Variants in RP1 observed in about 807,000 individuals in gnomAD.
The protein encoded by RP1 is oxygen-regulated protein 1.
Under a neutral mutation model 14.8 loss-of-function variants are expected in RP1, and 16 were observed. The ratio of observed to expected loss-of-function variants is 1.08; its 90% CI spans 0.73 to 1.65. The LOEUF is 1.65. RP1 is among the 40% of genes most tolerant of loss of function. The pLI is 0.00. For missense variants in RP1, 2,631 were observed against 2,535.0 expected, an observed-to-expected ratio of 1.04 and a Z score of -0.81; for synonymous variants, 876 against 883.6, an observed-to-expected ratio of 0.99 and a Z score of 0.15.
intron 24 of RP1, among the ~76,000 whole-genome samples, chr8:54,786,737 G>T (rs1264171830): frequency 3.3e-5 from 5 of 151,994 alleles, no homozygotes; most frequent in Non-Finnish European, 7.4e-5. Context: ...GTCCTGCTCT[G>T]CTCTTATTAT....
At chr8:54,600,973 T>C (rs1446953687) in intron 1 of RP1, among the ~76,000 whole-genome samples, 1 of 152,166 alleles carries the variant, frequency 6.6e-6, no homozygotes, top group Admixed American at 6.5e-5. Flanking sequence ...TGTCTTTCAG[T>C]GTATTTGCTT....
intron 12 of RP1, among the ~76,000 whole-genome samples, chr8:54,694,483 G>C (rs1807806512): frequency 1.3e-5 from 2 of 152,084 alleles, no homozygotes; most frequent in African/African-American, 2.4e-5. Context: ...ATTGATTATT[G>C]CCACAATTTC....
chr8:54,640,302 T>C (rs567390080), intron 3 of RP1, among the ~76,000 whole-genome samples: 1 of 152,334 alleles, frequency 6.6e-6, no homozygotes, highest in Admixed American at 6.5e-5. Flanking sequence ...TTCTGCATTC[T>C]CTATTCTATT....
intron 1 of RP1, among the ~76,000 whole-genome samples, chr8:54,592,507 T>A (rs972920787): frequency 6.6e-6 from 1 of 152,258 alleles, no homozygotes; most frequent in African/African-American, 2.4e-5. Context: ...CCTGGAATCT[T>A]AAGTTTGAAA....
rs1268327909 is a variant in RP1 at position 54,621,047 on chromosome 8, G to T, written c.81G>T (p.Leu27Phe). 1 of 1,613,958 alleles carries T rather than the reference G, an allele frequency of 6.2e-7. No individual in the cohort carries two copies. Among genetic ancestry groups the T allele is most frequent in the African/African-American group, 1.3e-5 (1 of 74,886 alleles). The change falls in exon 2 of 4, where the codon TTG becomes TTT. Residue 27 changes from leucine to phenylalanine, a missense_variant. Transcript: ENST00000220676. ...GTCAAGTTCCACCCCCTCGCCATTTGAGCCTCACTCATCCTGTTGTGGCCA... is the reference window on the plus strand; with the variant it reads ...GTCAAGTTCCACCCCCTCGCCATTTTAGCCTCACTCATCCTGTTGTGGCCA... ...SEGQVPPPRH[L>F]SLTHPVVAKR... is the part of the protein sequence containing the mutation.
At chr8:54,623,383 A>G (rs1305860926) in intron 3 of RP1, among the ~76,000 whole-genome samples, 1 of 152,214 alleles carries the variant, frequency 6.6e-6, no homozygotes, top group East Asian at 1.9e-4. Flanking sequence ...AAAATAAGAA[A>G]AAATATTTCT....
intron 8 of RP1, among the ~76,000 whole-genome samples, chr8:54,677,613 G>A (rs562382641): frequency 6.6e-6 from 1 of 152,224 alleles, no homozygotes; most frequent in African/African-American, 2.4e-5. Flanking sequence ...TGGAGTCCCA[G>A]CTACTTGAGA....
chr8:54,693,913 G>A (rs549301433), intron 12 of RP1, among the ~76,000 whole-genome samples: 2 of 152,216 alleles, frequency 1.3e-5, no homozygotes, highest in African/African-American at 4.8e-5. Flanking sequence ...CAAAGGGAAT[G>A]CTTCCAGTTT....
At chr8:54,592,677 C>T (rs926988717) in intron 1 of RP1, among the ~76,000 whole-genome samples, 1 of 152,138 alleles carries the variant, frequency 6.6e-6, no homozygotes, top group East Asian at 1.9e-4. Flanking sequence ...TCTTATATAA[C>T]AGGAAGAGTG....
intron 24 of RP1, among the ~76,000 whole-genome samples, chr8:54,788,802 C>T (rs1810390592): frequency 6.6e-6 from 1 of 152,150 alleles, no homozygotes; most frequent in Admixed American, 6.5e-5. Flanking sequence ...ATAGAATTTG[C>T]TTAGCTTCAG....
chr8:54,653,775 A>T (rs1030686698), intron 5 of RP1, among the ~76,000 whole-genome samples: 1 of 152,186 alleles, frequency 6.6e-6, no homozygotes, highest in Non-Finnish European at 1.5e-5. Flanking sequence ...TATGTGAAAT[A>T]CTTTTATGCT....
intron 24 of RP1, among the ~76,000 whole-genome samples, chr8:54,804,247 A>T (rs533777884): frequency 1.1e-4 from 16 of 152,188 alleles, no homozygotes; most frequent in Non-Finnish European, 1.2e-4. Context: ...TTATATAATT[A>T]AAAAAATTAA....
intron 1 of RP1, among the ~76,000 whole-genome samples, chr8:54,603,057 C>G (rs776019005): frequency 3.9e-5 from 6 of 152,244 alleles, no homozygotes; most frequent in Middle Eastern, 3.4e-3. Context: ...TCCCATTTGT[C>G]AATTTTTGTT....
intron 1 of RP1, among the ~76,000 whole-genome samples, chr8:54,585,516 T>G (rs1288256305): frequency 6.6e-6 from 1 of 152,220 alleles, no homozygotes. Flanking sequence ...TGGCGTTCTC[T>G]GTATTTCCTG....
intron 3 of RP1, among the ~76,000 whole-genome samples, chr8:54,645,373 C>T (rs1249832780): frequency 6.6e-6 from 1 of 152,122 alleles, no homozygotes; most frequent in African/African-American, 2.4e-5. Context: ...GTTCTATGTC[C>T]TTACCTTGGT....
intron 24 of RP1, among the ~76,000 whole-genome samples, chr8:54,831,797 T>C (rs965666420): frequency 6.6e-5 from 10 of 151,840 alleles, no homozygotes; most frequent in Non-Finnish European, 1.5e-4. Context: ...TTATTTCTCT[T>C]AAACCTGAAG....
At chr8:54,677,817 G>A (rs948568204) in intron 8 of RP1, among the ~76,000 whole-genome samples, 1 of 152,066 alleles carries the variant, frequency 6.6e-6, no homozygotes, top group African/African-American at 2.4e-5. Flanking sequence ...ATTTTAATTA[G>A]AATAGAATAT....
At chr8:54,744,556 G>C (rs1001863785) in intron 19 of RP1, among the ~76,000 whole-genome samples, 10 of 152,160 alleles carry the variant, frequency 6.6e-5, no homozygotes, top group African/African-American at 2.4e-4. Context: ...ACCTTGTTTA[G>C]GTAGAGTCAC....
Position 54,758,946 on chromosome 8 carries a change from G to GT in RP1, c.3119dup (p.Ser1041ValfsTer13). The GT allele has an allele frequency of 3.3e-6, 5 of 1,535,844 alleles. No individual in the cohort carries two copies. The highest frequency in any genetic ancestry group is 4.4e-6 in the Non-Finnish European group (5 of 1,146,834). Reference sequence around the variant, plus strand: ...GATTGATAAATTTCAAGTAGCAGCAGTGTCGCTTGGAAAACTGCAGAAGGT... The same window carrying GT: ...GATTGATAAATTTCAAGTAGCAGCAGTTGTCGCTTGGAAAACTGCAGAAGGT... On this transcript the variant is annotated frameshift_variant, in exon 22 of 23. Transcript: ENST00000636932. LOFTEE classifies it high-confidence loss of function.
Sources: gnomAD v4.1 joint callset for allele counts (sites outside exome capture counted in the v4.1 genomes callset) on GRCh38, gnomAD v4.1.1 for gene constraint, MANE v1.5 for transcripts, NCBI Gene and HGNC (gene_info 2026-07-23, HGNC 2026-07-21) for gene names.